CRTC3: variants seen among roughly 807,000 people sequenced by gnomAD.
CRTC3 encodes the protein CREB-regulated transcription coactivator 3.
Under a neutral mutation model 74.5 loss-of-function variants are expected in CRTC3, and 26 were observed. The observed-to-expected ratio is 0.35, with a 90% CI of 0.26 to 0.48. The LOEUF (loss-of-function observed/expected upper bound fraction) is 0.48, where lower values mean the gene tolerates loss of function less well. Among genes scored for constraint, CRTC3 ranks in the 20% least tolerant of loss-of-function variants. The probability of loss-of-function intolerance (pLI) is 0.99; values close to 1 mark genes in which losing one functional copy is unlikely to be tolerated. For missense variants in CRTC3, 760 were observed against 787.3 expected, an observed-to-expected ratio of 0.97 and a Z score of 0.41; for synonymous variants, 377 against 325.8, an observed-to-expected ratio of 1.16 and a Z score of -1.69.
At chr15:90,596,873 G>A (rs1567177851) in intron 3 of CRTC3, among the ~76,000 whole-genome samples, 1 of 152,222 alleles carries the variant, frequency 6.6e-6, no homozygotes, top group Admixed American at 6.5e-5. Context: ...TATTATAGCT[G>A]TTTCTTGGCT....
Position 90,581,552 on chromosome 15 carries a change from T to G in CRTC3, c.232-12084T>G, listed in dbSNP as rs1967542285. Among the ~76,000 whole-genome samples, 4 of 152,146 alleles carry G rather than the reference T, an allele frequency of 2.6e-5. 2 individuals are homozygous for G. The South Asian group carries it at 8.3e-4, about 32-fold the overall frequency. On this transcript the variant is annotated intron_variant, in intron 2 of 14. Coordinates refer to ENST00000268184, the MANE Select transcript of CRTC3 (RefSeq NM_022769.5). Reference sequence around the variant, plus strand: ...TCTTTTTTTGGCATATATGTAGAAGTTATTGAGTTAAAACTGAAAAGGCAC... The same window carrying G: ...TCTTTTTTTGGCATATATGTAGAAGGTATTGAGTTAAAACTGAAAAGGCAC...
intron 11 of CRTC3, among the ~76,000 whole-genome samples, chr15:90,632,833 G>C (rs1872353348): frequency 6.6e-6 from 1 of 152,190 alleles, no homozygotes; most frequent in African/African-American, 2.4e-5. Flanking sequence ...TCGAACTCCT[G>C]ACCTCAGGCA....
chr15:90,551,807 CA>C (rs1410781179), intron 2 of CRTC3, among the ~76,000 whole-genome samples: 10 of 152,284 alleles, frequency 6.6e-5, no homozygotes, highest in African/African-American at 2.2e-4. Flanking sequence ...ACAAGCATTT[CA>C]AAAAAGGATG....
At chr15:90,569,338 A>G (rs1490517858) in intron 2 of CRTC3, among the ~76,000 whole-genome samples, 3 of 130,098 alleles carry the variant, frequency 2.3e-5, no homozygotes, top group Non-Finnish European at 4.8e-5. Context: ...TTTTTTCTTG[A>G]GATGGAATTT....
chr15:90,629,950 C>CTGG, intron 11 of CRTC3, among the ~76,000 whole-genome samples: 1 of 152,144 alleles, frequency 6.6e-6, no homozygotes, highest in African/African-American at 2.4e-5. Flanking sequence ...TCTCAAATGC[C>CTGG]TGGACTCAAG....
intron 2 of CRTC3, among the ~76,000 whole-genome samples, chr15:90,567,422 C>G (rs1967147961): frequency 6.6e-6 from 1 of 152,032 alleles, no homozygotes; most frequent in South Asian, 2.1e-4. Flanking sequence ...CTTGGTGGCT[C>G]ACATCTATAA....
intron 11 of CRTC3, chr15:90,638,190 AT>A: frequency 2.3e-6 from 1 of 434,442 alleles, no homozygotes; most frequent in East Asian, 3.7e-5. Flanking sequence ...CTGAAAGGAA[AT>A]TGGTTAAATT....
intron 10 of CRTC3, among the ~76,000 whole-genome samples, chr15:90,626,585 T>C (rs1449359491): frequency 6.6e-6 from 1 of 151,916 alleles, no homozygotes; most frequent in Admixed American, 6.6e-5. Context: ...ATTGAAATTA[T>C]GACTACATTT....
At chr15:90,628,078 G>A (rs928375147) in intron 10 of CRTC3, among the ~76,000 whole-genome samples, 11 of 151,224 alleles carry the variant, frequency 7.3e-5, no homozygotes, top group African/African-American at 1.2e-4. Flanking sequence ...TTAACCAGGC[G>A]TGGCGGCACA....
chr15:90,530,106 CG>C lies in CRTC3; in HGVS notation c.36del (p.Arg13GlyfsTer25). The C allele has an allele frequency of 1.4e-6, 2 of 1,453,458 alleles. No individual in the cohort carries two copies. The highest frequency in any genetic ancestry group is 1.8e-6 in the Non-Finnish European group (2 of 1,087,528). 90.0% of individuals were successfully genotyped at this position (1,453,458 alleles called of 1,614,324 possible). ...AASPGSGSAN[P>X]RKFSEKIALH... ...TCGCCGGGCTCGGGCAGCGCCAACC[CG>C]CGGAAGTTCAGTGAGAAGATCGCGC... On this transcript the variant is annotated frameshift_variant, in exon 1 of 15. Coordinates refer to ENST00000268184, the MANE Select transcript of CRTC3 (RefSeq NM_022769.5). LOFTEE classifies it high-confidence loss of function. This position sits in a 1 kb window ranked among gnomAD's most constrained non-coding sequence, Gnocchi z 6.2.
At chr15:90,562,861 A>G (rs1456109144) in intron 2 of CRTC3, among the ~76,000 whole-genome samples, 1 of 152,086 alleles carries the variant, frequency 6.6e-6, no homozygotes. Context: ...AGCAGGAGCC[A>G]AAAGGTCAGA....
intron 11 of CRTC3, among the ~76,000 whole-genome samples, chr15:90,632,441 A>G (rs999165144): frequency 1.3e-5 from 2 of 152,202 alleles, no homozygotes; most frequent in Non-Finnish European, 2.9e-5. Flanking sequence ...CTCTTAAAAA[A>G]AGGAAATTTT....
chr15:90,620,933 G>A (rs1230564902), intron 9 of CRTC3, among the ~76,000 whole-genome samples: 1 of 152,134 alleles, frequency 6.6e-6, no homozygotes. Context: ...AGTACCTGGA[G>A]CTCAGACATT....
chr15:90,637,559 TAAAG>T (rs1340411822), intron 11 of CRTC3, among the ~76,000 whole-genome samples: 5 of 152,038 alleles, frequency 3.3e-5, no homozygotes, highest in Admixed American at 6.6e-5. Flanking sequence ...AATAAAATAT[TAAAG>T]AAAAAGAAAT....
rs533949225 is a variant in CRTC3, at chr15:90,593,924, A to G, written c.351+169A>G. On this transcript the variant is annotated intron_variant, in intron 3 of 14. Coordinates refer to ENST00000268184, the MANE Select transcript of CRTC3 (RefSeq NM_022769.5). Reference sequence around the variant, plus strand: ...AACTAGAAACATCTCTGCAGTCAACATTTGGAAACATCATTGTAGGTGTTT... The same window carrying G: ...AACTAGAAACATCTCTGCAGTCAACGTTTGGAAACATCATTGTAGGTGTTT... 13 of 571,470 alleles carry G rather than the reference A, an allele frequency of 2.3e-5. No individual in the cohort carries two copies. In the East Asian group the frequency reaches 3.3e-4, roughly 14 times the overall value. The allele number at this position is 571,470 out of a possible 1,614,324, so 35.4% of individuals were successfully genotyped here. A position where few individuals can be genotyped will look rare whatever the true frequency, so the allele number is the denominator to read the frequency against.
Position 90,638,576 on chromosome 15 carries a change from A to AGGCCCCTGC in CRTC3, c.1398_1406dup (p.Ala467_Ala469dup). ...CTCCTGCAGCAGCCCCGCGCCCCTG[A>AGGCCCCTGC]GGCCCCTGCCCAGCAGCCCCAGGCA... On this transcript the variant is annotated inframe_insertion, in exon 12 of 15. Transcript: ENST00000268184. 1 of 1,613,074 alleles carries AGGCCCCTGC rather than the reference A, an allele frequency of 6.2e-7. No individual in the cohort carries two copies. The highest frequency in any genetic ancestry group is 2.2e-5 in the East Asian group (1 of 44,876).
intron 2 of CRTC3, among the ~76,000 whole-genome samples, chr15:90,584,214 T>C (rs928872128): frequency 1.3e-5 from 2 of 149,778 alleles, no homozygotes; most frequent in East Asian, 3.9e-4. Flanking sequence ...CTAAACTTGA[T>C]AAATTTCCAC....
intron 2 of CRTC3, among the ~76,000 whole-genome samples, chr15:90,587,533 T>G (rs1319762374): frequency 6.6e-6 from 1 of 152,152 alleles, no homozygotes; most frequent in Non-Finnish European, 1.5e-5. Flanking sequence ...AACAGTAGAG[T>G]GCTTTTCAGA....
chr15:90,616,182 A>G (rs948720790), intron 7 of CRTC3, among the ~76,000 whole-genome samples: 16 of 152,196 alleles, frequency 1.1e-4, no homozygotes, highest in African/African-American at 3.6e-4. Context: ...AAAGAGAGTG[A>G]TGTAAATATC....
Sources: gnomAD v4.1 joint callset for allele counts (sites outside exome capture counted in the v4.1 genomes callset) on GRCh38, gnomAD v4.1.1 for gene constraint, Gnocchi (gnomAD v3.1) non-coding constraint, MANE v1.5 for transcripts, NCBI Gene and HGNC (gene_info 2026-07-23, HGNC 2026-07-21) for gene names.